The following SELENOM variants were observed in gnomAD, a reference collection of about 807,000 sequenced individuals.
SELENOM encodes selenoprotein M, also known as selenoprotein SelM.
Under a neutral mutation model 14.5 loss-of-function variants are expected in SELENOM, and 17 were observed. The observed-to-expected ratio is 1.17, with a 90% CI of 0.80 to 1.76. SELENOM has a LOEUF of 1.76. Ranked by LOEUF, SELENOM falls within the 40% of genes most tolerant of loss-of-function variation. The pLI, the probability that SELENOM is intolerant of heterozygous loss-of-function variation, is 0.00. For synonymous variants in SELENOM, 102 were observed against 93.3 expected, an observed-to-expected ratio of 1.09 and a Z score of -0.54; for missense variants, 230 against 204.6, an observed-to-expected ratio of 1.12 and a Z score of -0.76.
At chr22:31,107,227 G>T (rs2044413601) in intron 1 of SELENOM, 150 bp downstream of exon 1, 2 of 1,011,958 alleles carry the variant, frequency 2.0e-6, no homozygotes, top group African/African-American at 1.7e-5. Flanking sequence ...GCCATCTGGG[G>T]CTAGGGAACA....
chr22:31,105,895 G>A (rs762345221), intron 2 of SELENOM, 35 bp downstream of exon 2: 63 of 1,607,058 alleles, frequency 3.9e-5, no homozygotes, highest in Non-Finnish European at 4.9e-5. Context: ...AGGCTCAGGG[G>A]GAACAGAGCT....
At position 31,104,814 on chromosome 22, in the gene SELENOM, A is replaced by G. The variant is rs1268820489; in HGVS notation, c.*156T>C. 4.0e-5 allele frequency: 25 copies of G among 628,846 alleles called. No individual in the cohort carries two copies. The highest frequency in any genetic ancestry group is 1.9e-4 in the Admixed American group (5 of 26,796). The allele number at this position is 628,846 out of a possible 1,614,324, so 39.0% of individuals were successfully genotyped here. ...GGAATTTAGTGGAGCTGGGGAAGGAAGAAAGTGGGGTTGGGAGAACCTCCC... is the reference window on the plus strand; with the variant it reads ...GGAATTTAGTGGAGCTGGGGAAGGAGGAAAGTGGGGTTGGGAGAACCTCCC... On this transcript the variant is annotated 3_prime_UTR_variant, in exon 5 of 5. Coordinates refer to ENST00000400299, the MANE Select transcript of SELENOM (RefSeq NM_080430.4).
Position 31,104,860 on chromosome 22 carries a change from CG to C in SELENOM, c.*109del. On this transcript the variant is annotated 3_prime_UTR_variant, in exon 5 of 5. Transcript: ENST00000400299. ...CTCCCCAACCCCATCCCTGCTGGCCCGGGGACGGGCATCGGCTCTCAGCAAG... is the reference window on the plus strand; with the variant it reads ...CTCCCCAACCCCATCCCTGCTGGCCCGGGACGGGCATCGGCTCTCAGCAAG... The C allele has an allele frequency of 1.6e-6, 2 of 1,271,330 alleles. No homozygotes were observed. Among genetic ancestry groups the C allele is most frequent in the Non-Finnish European group, 1.1e-6 (1 of 945,084 alleles). The allele number at this position is 1,271,330 out of a possible 1,614,324, so 78.8% of individuals were successfully genotyped here.
Position 31,105,161 on chromosome 22 carries a change from GGGCCTCGCCTCT to G in SELENOM, c.279+35_280-34del, listed in dbSNP as rs762517945. ...GGAGGAGGGGCGGGGTCAGCAGGCT[GGGCCTCGCCTCT>G]GGCCTCGCCCCCAGCCCACCTCCCA... On this transcript the variant is annotated intron_variant, in intron 4 of 4. Coordinates refer to ENST00000400299, the MANE Select transcript of SELENOM (RefSeq NM_080430.4). The G allele has an allele frequency of 3.7e-6, 6 of 1,613,146 alleles. No individual in the cohort carries two copies. The South Asian group carries it at 4.4e-5, about 12-fold the overall frequency.
chr22:31,105,581 G>T, intron 3 of SELENOM, 77 bp downstream of exon 3: 1 of 1,431,334 alleles, frequency 7.0e-7, no homozygotes, highest in Non-Finnish European at 9.9e-7. Flanking sequence ...AAAACCATCT[G>T]CCACCCCTTT....
At chr22:31,106,416 C>T (rs1444549738) in intron 1 of SELENOM, 1 of 199,254 alleles carries the variant, frequency 5.0e-6, no homozygotes, top group African/African-American at 2.3e-5. Flanking sequence ...CTGGTCCCTA[C>T]TCTACACAGG....
chr22:31,105,416 G>C, intron 3 of SELENOM, 130 bp from the exon 4 acceptor site: 1 of 955,546 alleles, frequency 1.0e-6, no homozygotes, highest in Non-Finnish European at 1.6e-6. Flanking sequence ...CAGGGTCTCC[G>C]CTTATACGTG....
chr22:31,105,841 C>A (rs149176411), intron 2 of SELENOM, 89 bp downstream of exon 2: 21 of 1,498,856 alleles, frequency 1.4e-5, no homozygotes, highest in East Asian at 4.5e-5. Flanking sequence ...ATCCTTCCCC[C>A]CTCCCCGCCC....
chr22:31,105,453 G>A lies in SELENOM; in HGVS notation c.201-167C>T, dbSNP rs951581573. The A allele has an allele frequency of 3.7e-6, 3 of 815,354 alleles. No individual in the cohort carries two copies. The African/African-American group carries it at 5.2e-5, about 14-fold the overall frequency. 50.5% of individuals were successfully genotyped at this position (815,354 alleles called of 1,614,324 possible). On this transcript the variant is annotated intron_variant, in intron 3 of 4. Transcript: ENST00000400299. ...GAAAATTAGGGTTCAAAGAAGTAAA[G>A]GGCCCTCCTCTCCATTCTGTGGCAG...
At chr22:31,107,328 C>T in intron 1 of SELENOM, 49 bp downstream of exon 1, 2 of 1,556,710 alleles carry the variant, frequency 1.3e-6, no homozygotes, top group Non-Finnish European at 1.7e-6. Context: ...CCCATGGGGC[C>T]GCAGGGTTGG....
At position 31,104,937 on chromosome 22, in the gene SELENOM, CAGGT is replaced by C. The variant is rs746885036; in HGVS notation, c.*29_*32del. 9 of 1,526,252 alleles carry C rather than the reference CAGGT, an allele frequency of 5.9e-6. No homozygotes were observed. In the Admixed American group the frequency reaches 1.6e-4, roughly 27 times the overall value. 94.5% of individuals were successfully genotyped at this position (1,526,252 alleles called of 1,614,324 possible). ...CTTCATTCTGTCTCCAGGACTCAGGCAGGTAGGTCCCAGCTCCGCCGCGCCCCCG... is the reference window on the plus strand; with the variant it reads ...CTTCATTCTGTCTCCAGGACTCAGGCAGGTCCCAGCTCCGCCGCGCCCCCG... On this transcript the variant is annotated 3_prime_UTR_variant, in exon 5 of 5. Transcript: ENST00000400299.
chr22:31,104,911 G>C lies in SELENOM; in HGVS notation c.*59C>G. ...GAGAAGTATTCCCGGGATGCTGAGC[G>C]CTTCATTCTGTCTCCAGGACTCAGG... On this transcript the variant is annotated 3_prime_UTR_variant, in exon 5 of 5. Transcript: ENST00000400299. 6.8e-7 allele frequency: 1 copy of C among 1,474,270 alleles called. No individual in the cohort carries two copies. The highest frequency in any genetic ancestry group is 9.0e-7 in the Non-Finnish European group (1 of 1,107,720). 91.3% of individuals were successfully genotyped at this position (1,474,270 alleles called of 1,614,324 possible).
rs1257981385 is a variant in SELENOM at position 31,104,849 on chromosome 22, C to A, written c.*121G>T. On this transcript the variant is annotated 3_prime_UTR_variant, in exon 5 of 5. Coordinates refer to ENST00000400299, the MANE Select transcript of SELENOM (RefSeq NM_080430.4). Reference sequence around the variant, plus strand: ...GTTGGGAGAACCTCCCCAACCCCATCCCTGCTGGCCCGGGGACGGGCATCG... The same window carrying A: ...GTTGGGAGAACCTCCCCAACCCCATACCTGCTGGCCCGGGGACGGGCATCG... The A allele has an allele frequency of 1.5e-5, 18 of 1,162,620 alleles. No individual in the cohort carries two copies. In the East Asian group the frequency reaches 4.5e-4, roughly 29 times the overall value. 72.0% of individuals were successfully genotyped at this position (1,162,620 alleles called of 1,614,324 possible). A position where few individuals can be genotyped will look rare whatever the true frequency, so the allele number is the denominator to read the frequency against.
intron 1 of SELENOM, chr22:31,107,154 G>A: frequency 1.8e-6 from 1 of 555,074 alleles, no homozygotes; most frequent in East Asian, 3.4e-5. Context: ...GGGGGAGCTG[G>A]GGAAGGGTTC....
intron 1 of SELENOM, chr22:31,106,469 C>G (rs1170247106): frequency 1.2e-5 from 2 of 171,330 alleles, no homozygotes; most frequent in Non-Finnish European, 2.5e-5. Flanking sequence ...GCCCCACAGA[C>G]CATGTGGTTG....
Position 31,107,277 on chromosome 22 carries a change from T to A in SELENOM, c.129+100A>T, listed in dbSNP as rs1045963540. 2.2e-6 allele frequency: 3 copies of A among 1,387,164 alleles called. No homozygotes were observed. The African/African-American group carries it at 4.5e-5, about 21-fold the overall frequency. 85.9% of individuals were successfully genotyped at this position (1,387,164 alleles called of 1,614,324 possible). On this transcript the variant is annotated intron_variant, in intron 1 of 4. Transcript: ENST00000400299. ...GGCGCCAGGGGGAAAGCAGGGAGAC[T>A]CGCGGTTCGAGGTGGTCTTGGGGCC...
At chr22:31,105,314 G>A (rs940625063) in intron 3 of SELENOM, 28 bp from the exon 4 acceptor site, 7 of 1,589,308 alleles carry the variant, frequency 4.4e-6, no homozygotes, top group Non-Finnish European at 6.0e-6. Flanking sequence ...GAGCGGGGTG[G>A]TGGGCAGAGG....
At position 31,105,957 on chromosome 22, in the gene SELENOM, C is replaced by A; in HGVS notation, c.138G>T (p.Gly46=). ...GLTRARVETC[G]GUQLNRLKEV... is the part of the protein sequence containing the mutation. ...CCTTTAGGCGGTTCAGCTGTCATCCCCCGCAGGTCTGGAGGGGGATAAAAT... is the reference window on the plus strand; with the variant it reads ...CCTTTAGGCGGTTCAGCTGTCATCCACCGCAGGTCTGGAGGGGGATAAAAT... Residue 46 remains glycine (G), a synonymous_variant, in exon 2 of 5, where the codon GGG becomes GGT. Coordinates refer to ENST00000400299, the MANE Select transcript of SELENOM (RefSeq NM_080430.4). The A allele has an allele frequency of 6.2e-7, 1 of 1,614,056 alleles. No homozygotes were observed. The highest frequency in any genetic ancestry group is 8.5e-7 in the Non-Finnish European group (1 of 1,179,954).
At position 31,107,517 on chromosome 22, in the gene SELENOM, C is replaced by T. The variant is rs1271079707; in HGVS notation, c.-12G>A. ...AACAGGAGGCTCATCGGGACCCGGC[C>T]GCAGATGATGCGCAAGCTGGAGGCG... On this transcript the variant is annotated 5_prime_UTR_variant, in exon 1 of 5. Transcript: ENST00000400299. 12 of 1,532,804 alleles carry T rather than the reference C, an allele frequency of 7.8e-6. No homozygotes were observed. In the Admixed American group the frequency reaches 2.0e-4, roughly 26 times the overall value. The allele number at this position is 1,532,804 out of a possible 1,614,324, so 95.0% of individuals were successfully genotyped here. A position where few individuals can be genotyped will look rare whatever the true frequency, so the allele number is the denominator to read the frequency against.
Sources: gnomAD v4.1 joint callset for allele counts on GRCh38, gnomAD v4.1.1 for gene constraint, MANE v1.5 for transcripts, NCBI Gene and HGNC (gene_info 2026-07-23, HGNC 2026-07-21) for gene names.